Variants in TLK1 observed in about 807,000 individuals in gnomAD.
TLK1 encodes the protein serine/threonine-protein kinase tousled-like 1.
In TLK1, 24 loss-of-function variants were observed where a neutral mutation model predicts 105.3. That is an observed-to-expected ratio of 0.23 (90% CI 0.17 to 0.32). The LOEUF (loss-of-function observed/expected upper bound fraction) is 0.32. Ranked by LOEUF, TLK1 falls within the 10% of genes least tolerant of loss-of-function variation. The pLI, the probability that TLK1 is intolerant of heterozygous loss-of-function variation, is 1.00. For missense variants in TLK1, 558 were observed against 910.5 expected (o/e 0.61, Z 4.98); for synonymous variants, 321 against 310.4 (o/e 1.03, Z -0.36).
chr2:171,018,147 G>A lies in TLK1; in HGVS notation c.1237-3199C>T, dbSNP rs114733662. ...ATTAGGTTATGGAGCCTTCATGATG[G>A]GATTAGTGGCCTTATGAGAAGAAAG... On this transcript the variant is annotated intron_variant, in intron 12 of 20. Coordinates refer to ENST00000431350, the MANE Select transcript of TLK1 (RefSeq NM_012290.5). Among the ~76,000 whole-genome samples, 756 of 152,240 alleles carry A rather than the reference G, an allele frequency of 5.0e-3. 7 individuals carry two copies. The highest frequency in any genetic ancestry group is 0.017 in the African/African-American group (720 of 41,542).
At chr2:171,226,146 G>T (rs1693893247) in intron 1 of TLK1, among the ~76,000 whole-genome samples, 1 of 152,196 alleles carries the variant, frequency 6.6e-6, no homozygotes, top group Non-Finnish European at 1.5e-5. Flanking sequence ...AACATGTAGT[G>T]AGAATGAGAA....
At chr2:170,999,421 A>G (rs937621708) in intron 18 of TLK1, among the ~76,000 whole-genome samples, 7 of 152,206 alleles carry the variant, frequency 4.6e-5, no homozygotes, top group Admixed American at 1.3e-4. Context: ...GCAGGTGTCT[A>G]TGTGTGTAAC....
chr2:171,016,578 GCTT>G (rs534643415), intron 12 of TLK1, among the ~76,000 whole-genome samples: 19 of 152,174 alleles, frequency 1.2e-4, no homozygotes, highest in Middle Eastern at 3.4e-3. Flanking sequence ...CAGCTCCTTT[GCTT>G]CTTTTTAGTA....
chr2:171,104,735 G>C (rs1575598571), intron 2 of TLK1, among the ~76,000 whole-genome samples: 1 of 152,308 alleles, frequency 6.6e-6, no homozygotes, highest in South Asian at 2.1e-4. Flanking sequence ...TGGGATTACA[G>C]ACATAAGCCA....
At chr2:171,229,181 C>T (rs1189787193) in intron 1 of TLK1, among the ~76,000 whole-genome samples, 1 of 152,200 alleles carries the variant, frequency 6.6e-6, no homozygotes, top group Non-Finnish European at 1.5e-5. Context: ...TTGTCCAAAA[C>T]TCTCAGGGGC....
At chr2:171,164,208 C>CT (rs1692565884), upstream of TLK1, among the ~76,000 whole-genome samples, 1 of 152,036 alleles carries the variant, frequency 6.6e-6, no homozygotes, top group Admixed American at 6.6e-5. Flanking sequence ...ACTCACCAAC[C>CT]TTTAAAAAAA....
At chr2:171,100,012 A>G (rs773119181) in intron 2 of TLK1, among the ~76,000 whole-genome samples, 7 of 152,242 alleles carry the variant, frequency 4.6e-5, no homozygotes, top group Admixed American at 2.0e-4. Context: ...CGTGTATCTG[A>G]TAAGAGTCTA....
At chr2:171,117,421 C>A (rs1222428122) in intron 2 of TLK1, among the ~76,000 whole-genome samples, 1 of 152,050 alleles carries the variant, frequency 6.6e-6, no homozygotes, top group Non-Finnish European at 1.5e-5. Context: ...TTTTATGCAG[C>A]AGTTAGAAAC....
intron 1 of TLK1, among the ~76,000 whole-genome samples, chr2:171,152,627 T>C (rs1470877813): frequency 6.6e-6 from 1 of 152,186 alleles, no homozygotes; most frequent in African/African-American, 2.4e-5. Context: ...CCCTTGCCCA[T>C]ACTGAATACT....
upstream of TLK1, among the ~76,000 whole-genome samples, chr2:171,163,887 G>T (rs1204380173): frequency 6.6e-6 from 1 of 151,924 alleles, no homozygotes; most frequent in African/African-American, 2.4e-5. Context: ...CACAATGCCC[G>T]GCTAATTTTT....
chr2:171,146,281 G>A (rs765754441), intron 1 of TLK1, among the ~76,000 whole-genome samples: 28 of 151,456 alleles, frequency 1.8e-4, no homozygotes, highest in Middle Eastern at 3.4e-3. Flanking sequence ...CTATGATTGC[G>A]CCACTATACT....
At chr2:171,185,903 C>T (rs950675833) in intron 1 of TLK1, among the ~76,000 whole-genome samples, 8 of 152,152 alleles carry the variant, frequency 5.3e-5, no homozygotes, top group African/African-American at 9.7e-5. Flanking sequence ...AAATAATGAA[C>T]GAAGTGGTAT....
intron 11 of TLK1, among the ~76,000 whole-genome samples, chr2:171,040,453 T>C (rs1423805657): frequency 6.6e-6 from 1 of 152,216 alleles, no homozygotes; most frequent in Non-Finnish European, 1.5e-5. Flanking sequence ...CTCTGTACTT[T>C]CTGCTCAATT....
chr2:171,010,386 ATG>A (rs1340976016), intron 14 of TLK1, among the ~76,000 whole-genome samples: 3 of 152,184 alleles, frequency 2.0e-5, no homozygotes, highest in African/African-American at 7.2e-5. Flanking sequence ...TCTATTTCAA[ATG>A]TGAGTTTCCA....
intron 1 of TLK1, among the ~76,000 whole-genome samples, chr2:171,210,887 G>A (rs988161444): frequency 7.2e-5 from 11 of 152,190 alleles, no homozygotes; most frequent in African/African-American, 2.7e-4. Flanking sequence ...GAGGGAGAAG[G>A]GAAGCTGCAT....
chr2:171,017,104 T>A (rs866622557), intron 12 of TLK1, among the ~76,000 whole-genome samples: 1 of 152,144 alleles, frequency 6.6e-6, no homozygotes, highest in Non-Finnish European at 1.5e-5. Context: ...AGGAAGTAAA[T>A]TTTAAAGCTT....
chr2:171,173,630 C>A (rs1692768003), intron 1 of TLK1, among the ~76,000 whole-genome samples: 1 of 151,994 alleles, frequency 6.6e-6, no homozygotes, highest in Non-Finnish European at 1.5e-5. Context: ...GGGCTCAAGG[C>A]ATCCTCCCCG....
At chr2:171,088,976 C>A (rs1689104139) in intron 2 of TLK1, among the ~76,000 whole-genome samples, 1 of 152,200 alleles carries the variant, frequency 6.6e-6, no homozygotes, top group Non-Finnish European at 1.5e-5. Context: ...ACTCCACTTT[C>A]CGGGCTCAAG....
intron 2 of TLK1, among the ~76,000 whole-genome samples, chr2:171,101,500 T>C (rs751780799): frequency 6.6e-5 from 10 of 152,208 alleles, no homozygotes; most frequent in Non-Finnish European, 1.5e-4. Flanking sequence ...GGAAAGTTGC[T>C]GCTAATGTTT....
Sources: allele counts gnomAD v4.1 joint callset (sites outside exome capture counted in the v4.1 genomes callset), GRCh38; gene constraint gnomAD v4.1.1; transcripts MANE v1.5; gene names NCBI Gene and HGNC (gene_info 2026-07-23, HGNC 2026-07-21).